Variants in SASH1 observed in about 807,000 individuals in gnomAD.
SASH1 encodes SAM and SH3 domain-containing protein 1.
SASH1 carries 44 observed loss-of-function variants against 125.2 expected under a neutral mutation model. That is an observed-to-expected ratio of 0.35 (90% CI 0.28 to 0.45). The LOEUF (loss-of-function observed/expected upper bound fraction) is 0.45, where lower values mean the gene tolerates loss of function less well. SASH1 is among the 20% of genes least tolerant of loss of function. SASH1 has a pLI of 1.00. For missense variants in SASH1, 1,426 were observed against 1,614.5 expected, an observed-to-expected ratio of 0.88 and a Z score of 2.00; for synonymous variants, 639 against 649.1, an observed-to-expected ratio of 0.98 and a Z score of 0.24.
In SASH1 at chr6:148,324,124, A is replaced by AAAAAAAAAAAAC. The variant is rs1300774895; in HGVS notation, n.74+51758_74+51759insCAAAAAAAAAAA. ...ACAGAGCAAGAATCTGTCTCAAAAAAAAAAAAAAAAAACAAGCATAAGTGA... is the reference window on the plus strand; with the variant it reads ...ACAGAGCAAGAATCTGTCTCAAAAAAAAAAAAAAAAACAAAAAAAAAAAACAAGCATAAGTGA... On this transcript the variant is annotated intron_variant and non_coding_transcript_variant, in intron 1 of 3. Transcript: ENST00000367469. Among the ~76,000 whole-genome samples the AAAAAAAAAAAAC allele has an allele frequency of 2.7e-5, 4 of 148,962 alleles. No homozygotes were observed. The East Asian group carries it at 7.9e-4, about 29-fold the overall frequency.
chr6:148,243,199 C>T, the SASH1 span, among the ~76,000 whole-genome samples: 1 of 152,144 alleles, frequency 6.6e-6, no homozygotes, highest in Non-Finnish European at 1.5e-5. Context: ...GCCTGTAATC[C>T]CAGCACTTTG....
intron 2 of SASH1, among the ~76,000 whole-genome samples, chr6:148,409,537 A>C (rs1203726177): frequency 6.6e-6 from 1 of 152,206 alleles, no homozygotes; most frequent in African/African-American, 2.4e-5. Context: ...TGACTTCAAG[A>C]TTGTCATTAA....
chr6:148,368,606 A>G lies in SASH1; in HGVS notation c.157-21528A>G, dbSNP rs191600699. Among the ~76,000 whole-genome samples the G allele has an allele frequency of 4.4e-3, 670 of 152,278 alleles. 1 individual carries two copies. Among genetic ancestry groups the G allele is most frequent in the Non-Finnish European group, 5.4e-3 (370 of 67,996 alleles). ...CTTTGTTAGCCATGTGGCAGTGGAC[A>G]TGGAACCTTCCTGCTTTGATGTCCT... On this transcript the variant is annotated intron_variant, in intron 1 of 19. Transcript: ENST00000367467.
At chr6:148,333,237 C>CA (rs1203920313) in intron 1 of SASH1, among the ~76,000 whole-genome samples, 26 of 150,590 alleles carry the variant, frequency 1.7e-4, no homozygotes, top group East Asian at 3.9e-4. Context: ...TCTGTGTCTA[C>CA]AAAAAATAAT....
At chr6:148,467,388 T>A (rs1320726661) in intron 4 of SASH1, among the ~76,000 whole-genome samples, 1 of 152,260 alleles carries the variant, frequency 6.6e-6, no homozygotes, top group East Asian at 1.9e-4. Context: ...TTTCTTTGGC[T>A]TTCCCGCTTT....
intron 2 of SASH1, among the ~76,000 whole-genome samples, chr6:148,406,050 C>T (rs974563479): frequency 3.3e-5 from 5 of 152,142 alleles, no homozygotes; most frequent in African/African-American, 7.2e-5. Context: ...TATGCCACAC[C>T]GATTTCAGAA....
At chr6:148,207,231 C>T in the SASH1 span, among the ~76,000 whole-genome samples, 965 of 152,302 alleles carry the variant, frequency 6.3e-3, 10 homozygotes, top group African/African-American at 0.021. Flanking sequence ...CATTTGCCAG[C>T]GCAGTATACC....
At chr6:148,232,452 T>C in the SASH1 span, among the ~76,000 whole-genome samples, 2 of 152,214 alleles carry the variant, frequency 1.3e-5, no homozygotes, top group South Asian at 4.1e-4. Context: ...TCTGAGGCTC[T>C]GAACCTGAAG....
chr6:148,358,474 G>C (rs1407366880), intron 1 of SASH1, among the ~76,000 whole-genome samples: 3 of 152,112 alleles, frequency 2.0e-5, no homozygotes, highest in Admixed American at 2.0e-4. Context: ...AGGGAATAGT[G>C]ACACACTACC....
Position 148,544,925 on chromosome 6 carries a change from T to C in SASH1, c.3348+107T>C. On this transcript the variant is annotated intron_variant, in intron 18 of 19. Transcript: ENST00000367467. The surrounding 1 kb of genome is among the most constrained non-coding windows in gnomAD (Gnocchi z 6.4). ...GAAGCCAGCCCGGTAGCCCGCCCAG[T>C]GGACAGGAGACACCTGAATCCACGT... 9.2e-7 allele frequency: 1 copy of C among 1,086,108 alleles called. No individual in the cohort carries two copies. Among genetic ancestry groups the C allele is most frequent in the Non-Finnish European group, 1.3e-6 (1 of 773,932 alleles). 67.3% of individuals were successfully genotyped at this position (1,086,108 alleles called of 1,614,324 possible).
chr6:148,531,062 C>G (rs973057942), intron 12 of SASH1, among the ~76,000 whole-genome samples: 5 of 152,028 alleles, frequency 3.3e-5, no homozygotes, highest in African/African-American at 1.2e-4. Context: ...AAGAATCTAG[C>G]CAATTTTTTT....
At position 148,532,959 on chromosome 6, in the gene SASH1, A is replaced by C; in HGVS notation, c.1727A>C (p.Lys576Thr). ...TPSPYDTDSL[K>T]LKKGDIIDII... ...AGTCCCTATGACACAGACTCACTCA[A>C]GCTCAAGGTATCTCTCTCCCTGGCC... The change falls in exon 14 of 20, where the codon AAG becomes ACG. Residue 576 changes from lysine (K) to threonine (T), a missense_variant. Physicochemically the swap from Lys to Thr is moderately conservative, Grantham distance 78. Transcript: ENST00000367467. The surrounding 1 kb of genome is among the most constrained non-coding windows in gnomAD (Gnocchi z 4.7). The C allele has an allele frequency of 6.2e-7, 1 of 1,613,830 alleles. No individual in the cohort carries two copies. Among genetic ancestry groups the C allele is most frequent in the South Asian group, 1.1e-5 (1 of 91,078 alleles).
chr6:148,455,458 A>G (rs1317430874), intron 4 of SASH1, among the ~76,000 whole-genome samples: 5 of 152,122 alleles, frequency 3.3e-5, no homozygotes, highest in Non-Finnish European at 2.9e-5. Flanking sequence ...CATTTCCAGC[A>G]GGTGCTGGTG....
In SASH1 at chr6:148,514,320, C is replaced by G; in HGVS notation, c.730-4C>G. The stretch of plus-strand genomic sequence containing the variant: ...ATTAACTTTTTCCTTTGTTTCTTTG[C>G]CAGTCAAGAGAACAATCGGATGATG... On this transcript the variant is annotated splice_region_variant and splice_polypyrimidine_tract_variant and intron_variant, in intron 8 of 19. Coordinates refer to ENST00000367467, the MANE Select transcript of SASH1 (RefSeq NM_015278.5). 1 of 1,597,476 alleles carries G rather than the reference C, an allele frequency of 6.3e-7. No homozygotes were observed. The highest frequency in any genetic ancestry group is 8.5e-7 in the Non-Finnish European group (1 of 1,175,714).
At chr6:148,449,495 C>T (rs1257966773) in intron 4 of SASH1, among the ~76,000 whole-genome samples, 1 of 151,664 alleles carries the variant, frequency 6.6e-6, no homozygotes, top group Admixed American at 6.6e-5. Context: ...TTAAGTGATT[C>T]TCCTGCCTCA....
chr6:148,218,160 C>A, the SASH1 span, among the ~76,000 whole-genome samples: 2 of 152,046 alleles, frequency 1.3e-5, no homozygotes, highest in Admixed American at 1.3e-4. Flanking sequence ...TGCATACACT[C>A]TGCTTAAAAG....
At chr6:148,362,134 A>G (rs113939963) in intron 1 of SASH1, among the ~76,000 whole-genome samples, 5,788 of 151,198 alleles carry the variant, frequency 0.038, 183 homozygotes, top group East Asian at 0.078. Flanking sequence ...TCTCCGTGTT[A>G]GCCAGGATGG....
In SASH1 at chr6:148,357,253, G is replaced by C. The variant is rs1052520823; in HGVS notation, c.156+14030G>C. 3.9e-5 allele frequency among the ~76,000 whole-genome samples: 6 copies of C among 152,216 alleles called. No homozygotes were observed. The South Asian group carries it at 8.3e-4, about 21-fold the overall frequency. ...TCCTTTGGCCATGTAAATAATGTAG[G>C]GTTCCTGGTTTCCTTTTAAACACAC... On this transcript the variant is annotated intron_variant, in intron 1 of 19. Coordinates refer to ENST00000367467, the MANE Select transcript of SASH1 (RefSeq NM_015278.5).
intron 8 of SASH1, among the ~76,000 whole-genome samples, chr6:148,491,785 A>G (rs764512192): frequency 1.3e-5 from 2 of 152,294 alleles, no homozygotes; most frequent in East Asian, 1.9e-4. Flanking sequence ...TGCCTGGTTT[A>G]CTTTTGTGTG....
Sources: gnomAD v4.1 joint callset for allele counts (sites outside exome capture counted in the v4.1 genomes callset) on GRCh38, gnomAD v4.1.1 for gene constraint, Gnocchi (gnomAD v3.1) non-coding constraint, MANE v1.5 for transcripts, NCBI Gene and HGNC (gene_info 2026-07-23, HGNC 2026-07-21) for gene names.